RUNX2: variants seen among roughly 807,000 people sequenced by gnomAD.
RUNX2 encodes RUNX family transcription factor 2.
RUNX2 carries 10 observed loss-of-function variants against 51.7 expected under a neutral mutation model. That is an observed-to-expected ratio of 0.19 (90% CI 0.12 to 0.33). The LOEUF (loss-of-function observed/expected upper bound fraction) is 0.33, where lower values mean the gene tolerates loss of function less well. Among genes scored for constraint, RUNX2 ranks in the 10% least tolerant of loss-of-function variants. The probability of loss-of-function intolerance (pLI) is 1.00; values close to 1 mark genes in which losing one functional copy is unlikely to be tolerated. For missense variants in RUNX2, 562 were observed against 691.3 expected (o/e 0.81, Z 2.10); for synonymous variants, 276 against 273.6 (o/e 1.01, Z -0.09).
At chr6:45,344,787 C>A (rs1023513009) in intron 2 of RUNX2, among the ~76,000 whole-genome samples, 2 of 152,074 alleles carry the variant, frequency 1.3e-5, no homozygotes, top group Middle Eastern at 3.4e-3. Flanking sequence ...CTTGGTGGAC[C>A]TAAAAAAGAA....
At chr6:45,334,991 AG>A (rs1239985831) in intron 2 of RUNX2, among the ~76,000 whole-genome samples, 1 of 151,314 alleles carries the variant, frequency 6.6e-6, no homozygotes, top group Non-Finnish European at 1.5e-5. Flanking sequence ...AGTTAAACAA[AG>A]TATTAGAGTT....
chr6:45,368,712 T>C (rs1795553114), intron 2 of RUNX2, among the ~76,000 whole-genome samples: 1 of 152,174 alleles, frequency 6.6e-6, no homozygotes, highest in African/African-American at 2.4e-5. Flanking sequence ...TTCTTCTATA[T>C]TGCTGAAGAA....
intron 7 of RUNX2, among the ~76,000 whole-genome samples, chr6:45,516,015 T>A (rs1283193230): frequency 6.6e-6 from 1 of 152,182 alleles, no homozygotes; most frequent in Non-Finnish European, 1.5e-5. Context: ...GAATCCAATA[T>A]TTCACCTTTC....
At chr6:45,415,556 C>T (rs1798051284) in intron 2 of RUNX2, among the ~76,000 whole-genome samples, 1 of 152,100 alleles carries the variant, frequency 6.6e-6, no homozygotes, top group Admixed American at 6.5e-5. Flanking sequence ...TTCTGGCTAC[C>T]GGTGCTTCAG....
chr6:45,489,540 A>G (rs558522196), intron 5 of RUNX2, among the ~76,000 whole-genome samples: 1 of 152,358 alleles, frequency 6.6e-6, no homozygotes, highest in South Asian at 2.1e-4. Flanking sequence ...TGTATAAAGG[A>G]ACCATGCAAG....
chr6:45,506,315 T>C (rs903593192), intron 6 of RUNX2, among the ~76,000 whole-genome samples: 1 of 152,196 alleles, frequency 6.6e-6, no homozygotes, highest in Admixed American at 6.5e-5. Flanking sequence ...GACCTGATTT[T>C]CTCTCTCAAG....
chr6:45,333,039 T>C (rs774017734), intron 2 of RUNX2, among the ~76,000 whole-genome samples: 32 of 151,766 alleles, frequency 2.1e-4, no homozygotes, highest in Non-Finnish European at 3.4e-4. Flanking sequence ...CTTGGTATTT[T>C]CTAAATAATA....
chr6:45,547,946 G>C lies in RUNX2; in HGVS notation c.*641G>C, dbSNP rs1185174503. ...CAAGAAAGTGACTTCAAAAATAACT[G>C]ATCAGGATAGATTATTTTATTTTAC... On this transcript the variant is annotated 3_prime_UTR_variant, in exon 9 of 9. Transcript: ENST00000647337. 1 of 147,822 alleles carries C rather than the reference G, an allele frequency of 6.8e-6. No homozygotes were observed. The highest frequency in any genetic ancestry group is 1.5e-5 in the Non-Finnish European group (1 of 67,950). 9.2% of individuals were successfully genotyped at this position (147,822 alleles called of 1,614,324 possible).
intron 5 of RUNX2, among the ~76,000 whole-genome samples, chr6:45,449,318 C>T (rs1218523073): frequency 6.6e-6 from 1 of 152,196 alleles, no homozygotes; most frequent in African/African-American, 2.4e-5. Flanking sequence ...TGAAGGGCAG[C>T]TTAAATACCA....
chr6:45,464,671 C>T (rs1799573009), intron 5 of RUNX2, among the ~76,000 whole-genome samples: 2 of 152,206 alleles, frequency 1.3e-5, no homozygotes, highest in African/African-American at 4.8e-5. Flanking sequence ...GGAATTTCCT[C>T]TTTCAGAATC....
At chr6:45,473,672 T>A (rs1218621817) in intron 5 of RUNX2, among the ~76,000 whole-genome samples, 1 of 152,120 alleles carries the variant, frequency 6.6e-6, no homozygotes, top group Non-Finnish European at 1.5e-5. Context: ...AGTAATAGAG[T>A]GAAATTGTCT....
intron 2 of RUNX2, among the ~76,000 whole-genome samples, chr6:45,383,681 A>G (rs1442984502): frequency 6.6e-6 from 1 of 152,242 alleles, no homozygotes; most frequent in African/African-American, 2.4e-5. Context: ...AGTTAAGACG[A>G]GTATACAGAA....
Position 45,491,970 on chromosome 6 carries a change from C to A in RUNX2, c.715C>A (p.Pro239Thr), listed in dbSNP as rs752156180. The change falls in exon 6 of 9, where the codon CCT (proline) becomes ACT (threonine). Residue 239 changes from proline (P) to threonine (T), a missense_variant. Physicochemically the swap from Pro to Thr is conservative, Grantham distance 38. Coordinates refer to ENST00000647337, the MANE Select transcript of RUNX2 (RefSeq NM_001024630.4). ...CAGACAGAAGCTTGATGACTCTAAA[C>A]CTAGTTTGTTCTCTGACCGCCTCAG... ...RHRQKLDDSK[P>T]SLFSDRLSDL... 6.2e-7 allele frequency: 1 copy of A among 1,613,824 alleles called. No homozygotes were observed. The highest frequency in any genetic ancestry group is 1.7e-5 in the Admixed American group (1 of 59,998).
chr6:45,546,771 A>G (rs998838758), intron 8 of RUNX2, 56 bp from the exon 9 acceptor site: 1 of 1,388,210 alleles, frequency 7.2e-7, no homozygotes. Context: ...CAATTCTATC[A>G]TTATTTTAAT....
intron 5 of RUNX2, among the ~76,000 whole-genome samples, chr6:45,472,706 C>T (rs1799841254): frequency 6.6e-6 from 1 of 152,186 alleles, no homozygotes; most frequent in Non-Finnish European, 1.5e-5. Context: ...TTGTCTCTGT[C>T]TCTCTCTTTT....
intron 2 of RUNX2, among the ~76,000 whole-genome samples, chr6:45,331,151 G>A (rs1787426275): frequency 6.6e-6 from 1 of 151,882 alleles, no homozygotes; most frequent in African/African-American, 2.4e-5. Flanking sequence ...ACATGCTAGA[G>A]AAAGAGTATG....
rs1357880436 is a variant in RUNX2 at position 45,494,678 on chromosome 6, A to C, written c.859+2564A>C. On this transcript the variant is annotated intron_variant, in intron 6 of 8. Coordinates refer to ENST00000647337, the MANE Select transcript of RUNX2 (RefSeq NM_001024630.4). ...AGAATGCCTGTATCTGTCCATAACC[A>C]AGGAGATGCAGTGTTCTACTGTGAC... 2.0e-5 allele frequency among the ~76,000 whole-genome samples: 3 copies of C among 152,178 alleles called. 1 individual carries two copies. In the East Asian group the frequency reaches 5.8e-4, roughly 29 times the overall value.
intron 2 of RUNX2, among the ~76,000 whole-genome samples, chr6:45,410,075 C>G (rs1380597422): frequency 6.6e-6 from 1 of 152,148 alleles, no homozygotes; most frequent in Non-Finnish European, 1.5e-5. Context: ...TTTTTAAACT[C>G]TATACTCATA....
chr6:45,485,697 G>GTGTGTGTATATATATATATATATATA (rs1219072282), intron 5 of RUNX2, among the ~76,000 whole-genome samples: 3 of 104,072 alleles, frequency 2.9e-5, no homozygotes, highest in African/African-American at 1.1e-4. Context: ...GTGTGTGTGT[G>GTGTGTGTATATATATATATATATATA]TATATATATA....
Sources: gnomAD v4.1 joint callset for allele counts (sites outside exome capture counted in the v4.1 genomes callset) on GRCh38, gnomAD v4.1.1 for gene constraint, MANE v1.5 for transcripts, NCBI Gene and HGNC (gene_info 2026-07-23, HGNC 2026-07-21) for gene names.